KPNB1: variants seen among roughly 807,000 people sequenced by gnomAD.
KPNB1 encodes karyopherin subunit beta 1, also known as importin subunit beta-1.
In KPNB1, 7 loss-of-function variants were observed where a neutral mutation model predicts 113.0. The observed-to-expected ratio is 0.06, with a 90% CI of 0.04 to 0.12. The LOEUF (loss-of-function observed/expected upper bound fraction) is 0.12. KPNB1 is among the 10% of genes least tolerant of loss of function. The probability of loss-of-function intolerance (pLI) is 1.00; values close to 1 mark genes in which losing one functional copy is unlikely to be tolerated. For synonymous variants in KPNB1, 363 were observed against 378.6 expected, an observed-to-expected ratio of 0.96 and a Z score of 0.48; for missense variants, 400 against 1,054.8, an observed-to-expected ratio of 0.38 and a Z score of 8.60.
intron 9 of KPNB1, among the ~76,000 whole-genome samples, chr17:47,665,999 C>T (rs1253953463): frequency 6.6e-6 from 1 of 152,074 alleles, no homozygotes; most frequent in East Asian, 1.9e-4. Context: ...TTAAAATGAA[C>T]TGGGTGTTCC....
intron 15 of KPNB1, among the ~76,000 whole-genome samples, chr17:47,675,358 G>GTTTTTTTTTTTTTTTTTTTTTTTT (rs1555619221): frequency 1.1e-5 from 1 of 88,812 alleles, no homozygotes. Context: ...TGGCAGAGGT[G>GTTTTTTTTTTTTTTTTTTTTTTTT]TTGTTTTTTT....
chr17:47,650,808 C>A (rs1915538272), intron 2 of KPNB1, among the ~76,000 whole-genome samples: 2 of 152,144 alleles, frequency 1.3e-5, no homozygotes, highest in South Asian at 4.1e-4. Context: ...GGCCTAGGGG[C>A]CATGTGGAAG....
chr17:47,650,127 G>GGCCC lies in KPNB1; in HGVS notation c.-118_-117insGCCC. ...GGTGAATGGGTTTGTGGTGACCCCC[G>GGCCC]CCCCCCACCCCACCCTCCCTTCCCA... On this transcript the variant is annotated 5_prime_UTR_variant, in exon 1 of 22. Transcript: ENST00000290158. 1 of 686,060 alleles carries GGCCC rather than the reference G, an allele frequency of 1.5e-6. No individual in the cohort carries two copies. The highest frequency in any genetic ancestry group is 1.7e-6 in the Non-Finnish European group (1 of 580,152). 42.5% of individuals were successfully genotyped at this position (686,060 alleles called of 1,614,324 possible).
At chr17:47,662,519 G>A (rs2030133831) in intron 6 of KPNB1, among the ~76,000 whole-genome samples, 1 of 151,346 alleles carries the variant, frequency 6.6e-6, no homozygotes. Context: ...AGGCTGCAGT[G>A]AGCCGTGATC....
chr17:47,659,934 G>T (rs545705676), intron 5 of KPNB1, among the ~76,000 whole-genome samples: 1 of 151,818 alleles, frequency 6.6e-6, no homozygotes, highest in African/African-American at 2.4e-5. Flanking sequence ...ATATGTATGT[G>T]TATGTATAAT....
chr17:47,662,588 A>T (rs932562683), intron 6 of KPNB1, among the ~76,000 whole-genome samples: 1 of 151,904 alleles, frequency 6.6e-6, no homozygotes, highest in African/African-American at 2.4e-5. Flanking sequence ...AAAAAAAAAA[A>T]AAGAGAAAAA....
At chr17:47,650,938 T>G (rs962392344) in intron 2 of KPNB1, among the ~76,000 whole-genome samples, 1 of 152,338 alleles carries the variant, frequency 6.6e-6, no homozygotes, top group South Asian at 2.1e-4. Flanking sequence ...TACCTTGGTC[T>G]GTACTCATGG....
intron 7 of KPNB1, 103 bp from the exon 8 acceptor site, chr17:47,664,056 G>T: frequency 3.1e-6 from 2 of 651,872 alleles, no homozygotes; most frequent in Admixed American, 2.5e-5. Context: ...CCTTTTTATA[G>T]TTACATTTCT....
intron 10 of KPNB1, 123 bp downstream of exon 10, chr17:47,668,533 T>C: frequency 1.3e-6 from 1 of 752,826 alleles, no homozygotes; most frequent in Non-Finnish European, 2.2e-6. Flanking sequence ...TAGATACTTG[T>C]TTACTTTTAA....
rs1033112920 is a variant in KPNB1 at position 47,650,068 on chromosome 17, G to A, written c.-177G>A. On this transcript the variant is annotated 5_prime_UTR_variant, in exon 1 of 22. Transcript: ENST00000290158. The stretch of plus-strand genomic sequence containing the variant: ...GGGAGGAAGTAAGGGAAGAGGAGAG[G>A]AAGGGGAGCCGGACCGACTACCCAG... The A allele has an allele frequency of 5.7e-6, 8 of 1,392,740 alleles. No homozygotes were observed. The Admixed American group carries it at 2.3e-4, about 40-fold the overall frequency. The allele number at this position is 1,392,740 out of a possible 1,614,324, so 86.3% of individuals were successfully genotyped here.
At chr17:47,670,913 T>A in intron 12 of KPNB1, 81 bp downstream of exon 12, 1 of 1,237,710 alleles carries the variant, frequency 8.1e-7, no homozygotes, top group Non-Finnish European at 1.2e-6. Flanking sequence ...TCTAGCTTAA[T>A]CATAGAAGCA....
Position 47,649,955 on chromosome 17 carries a change from T to C in KPNB1, c.-290T>C, listed in dbSNP as rs1852463330. On this transcript the variant is annotated 5_prime_UTR_variant, in exon 1 of 22. Transcript: ENST00000290158. ...CGCCGCCTCTCACTCACAGCCTCCC[T>C]TCCTTCTTTCTCCCTCCGCCTCCCG... 1.5e-6 allele frequency: 2 copies of C among 1,317,772 alleles called. No homozygotes were observed. The highest frequency in any genetic ancestry group is 1.9e-6 in the Non-Finnish European group (2 of 1,037,568). The allele number at this position is 1,317,772 out of a possible 1,614,324, so 81.6% of individuals were successfully genotyped here. A position where few individuals can be genotyped will look rare whatever the true frequency, so the allele number is the denominator to read the frequency against.
intron 5 of KPNB1, 35 bp downstream of exon 5, chr17:47,658,695 A>G: frequency 1.9e-6 from 3 of 1,570,048 alleles, no homozygotes; most frequent in Non-Finnish European, 2.6e-6. Context: ...AGATTCAGAC[A>G]GTAAGGGATG....
At chr17:47,675,641 A>G (rs939711919) in intron 15 of KPNB1, among the ~76,000 whole-genome samples, 2 of 152,058 alleles carry the variant, frequency 1.3e-5, no homozygotes, top group Non-Finnish European at 2.9e-5. Context: ...ATGGGATGAA[A>G]TGAAACATTG....
In KPNB1 at chr17:47,649,963, T is replaced by C. The variant is rs1915476311; in HGVS notation, c.-282T>C. ...CTCACTCACAGCCTCCCTTCCTTCTTTCTCCCTCCGCCTCCCGAGCACCAG... is the reference window on the plus strand; with the variant it reads ...CTCACTCACAGCCTCCCTTCCTTCTCTCTCCCTCCGCCTCCCGAGCACCAG... On this transcript the variant is annotated 5_prime_UTR_variant, in exon 1 of 22. Coordinates refer to ENST00000290158, the MANE Select transcript of KPNB1 (RefSeq NM_002265.6). The C allele has an allele frequency of 1.5e-6, 2 of 1,320,428 alleles. No homozygotes were observed. Among genetic ancestry groups the C allele is most frequent in the Admixed American group, 4.0e-5 (1 of 25,292 alleles). 81.8% of individuals were successfully genotyped at this position (1,320,428 alleles called of 1,614,324 possible).
At chr17:47,665,251 T>G in intron 9 of KPNB1, 93 bp downstream of exon 9, 2 of 928,262 alleles carry the variant, frequency 2.2e-6, no homozygotes, top group Non-Finnish European at 3.5e-6. Flanking sequence ...TCGCAGCCCA[T>G]CAACTATTTG....
rs904492269 is a variant in KPNB1, at chr17:47,683,374, A to AC, written c.*971dup. On this transcript the variant is annotated 3_prime_UTR_variant, in exon 22 of 22. Transcript: ENST00000290158. The stretch of plus-strand genomic sequence containing the variant: ...AGTACAATTGTTACAAATAACGCAG[A>AC]CTTCAAAAACAAAAAAATCACAACC... 1.3e-5 allele frequency: 2 copies of AC among 152,346 alleles called. No individual in the cohort carries two copies. Among genetic ancestry groups the AC allele is most frequent in the African/African-American group, 4.8e-5 (2 of 41,392 alleles). 9.4% of individuals were successfully genotyped at this position (152,346 alleles called of 1,614,324 possible). A position where few individuals can be genotyped will look rare whatever the true frequency, so the allele number is the denominator to read the frequency against.
At position 47,682,642 on chromosome 17, in the gene KPNB1, C is replaced by T. The variant is rs2030818898; in HGVS notation, c.*238C>T. 1 of 526,268 alleles carries T rather than the reference C, an allele frequency of 1.9e-6. No homozygotes were observed. The highest frequency in any genetic ancestry group is 2.8e-5 in the South Asian group (1 of 36,004). The allele number at this position is 526,268 out of a possible 1,614,324, so 32.6% of individuals were successfully genotyped here. On this transcript the variant is annotated 3_prime_UTR_variant, in exon 22 of 22. Coordinates refer to ENST00000290158, the MANE Select transcript of KPNB1 (RefSeq NM_002265.6). The stretch of plus-strand genomic sequence containing the variant: ...ACTTCGTAGAAAACCATAACATCGG[C>T]CATCTTGGAAAAGAGAAAAACAATG...
At chr17:47,677,273 A>T in intron 17 of KPNB1, 146 bp downstream of exon 17, 1 of 628,104 alleles carries the variant, frequency 1.6e-6, no homozygotes, top group Non-Finnish European at 2.8e-6. Context: ...GTTCGAGACC[A>T]ACCTGGACAA....
Sources: gnomAD v4.1 joint callset for allele counts (sites outside exome capture counted in the v4.1 genomes callset) on GRCh38, gnomAD v4.1.1 for gene constraint, MANE v1.5 for transcripts, NCBI Gene and HGNC (gene_info 2026-07-23, HGNC 2026-07-21) for gene names.